PALD1: variants seen among roughly 807,000 people sequenced by gnomAD.
The protein encoded by PALD1 is paladin.
A neutral mutation model predicts 96.0 loss-of-function variants in PALD1; 57 were observed. That is an observed-to-expected ratio of 0.59 (90% CI 0.48 to 0.74). The LOEUF (loss-of-function observed/expected upper bound fraction) is 0.74. Among genes scored for constraint, PALD1 ranks in the 30% least tolerant of loss-of-function variants. PALD1 has a pLI of 0.00. For missense variants in PALD1, 1,063 were observed against 1,143.7 expected (o/e 0.93, Z 1.02); for synonymous variants, 464 against 473.6 (o/e 0.98, Z 0.26).
At chr10:70,526,193 C>T (rs1215003816) in intron 2 of PALD1, 57 bp downstream of exon 2, 2 of 1,477,404 alleles carry the variant, frequency 1.4e-6, no homozygotes, top group Admixed American at 1.7e-5. Flanking sequence ...GCGGGGGGAC[C>T]TGCTTGGGGG....
chr10:70,505,189 T>G (rs1327680267), intron 1 of PALD1, among the ~76,000 whole-genome samples: 4 of 152,258 alleles, frequency 2.6e-5, no homozygotes, highest in African/African-American at 9.6e-5. Flanking sequence ...ACACACGCTT[T>G]CCAAAATTCT....
intron 10 of PALD1, among the ~76,000 whole-genome samples, chr10:70,537,394 G>A (rs945495655): frequency 2.6e-5 from 4 of 152,208 alleles, no homozygotes; most frequent in African/African-American, 4.8e-5. Context: ...GTGAGCCACC[G>A]CACCCAGCCA....
At chr10:70,551,769 G>C (rs1306917477) in intron 18 of PALD1, among the ~76,000 whole-genome samples, 2 of 152,138 alleles carry the variant, frequency 1.3e-5, no homozygotes, top group African/African-American at 2.4e-5. Flanking sequence ...AGAATTTGGA[G>C]GTCAGTTTCC....
At chr10:70,501,880 A>T (rs907429561) in intron 1 of PALD1, among the ~76,000 whole-genome samples, 7 of 142,694 alleles carry the variant, frequency 4.9e-5, no homozygotes, top group African/African-American at 1.8e-4. Context: ...TGTATACAAG[A>T]GGCCTCCCCC....
the PALD1 span, among the ~76,000 whole-genome samples, chr10:70,460,912 G>T: frequency 1.3e-5 from 2 of 152,254 alleles, no homozygotes; most frequent in South Asian, 4.1e-4. Flanking sequence ...AAAATTAGCC[G>T]GGCGTGGTGG....
chr10:70,551,315 G>C (rs887551754), intron 18 of PALD1, among the ~76,000 whole-genome samples: 6 of 152,204 alleles, frequency 3.9e-5, no homozygotes, highest in Non-Finnish European at 8.8e-5. Context: ...GAAGTCCCAG[G>C]TGGCCTCCAG....
chr10:70,521,235 G>A (rs944445538), intron 1 of PALD1, among the ~76,000 whole-genome samples: 1 of 152,130 alleles, frequency 6.6e-6, no homozygotes, highest in Non-Finnish European at 1.5e-5. Context: ...AGATCCAAGA[G>A]GGAAGGGGAC....
intron 1 of PALD1, among the ~76,000 whole-genome samples, chr10:70,492,252 G>A (rs1276786629): frequency 2.0e-5 from 3 of 152,058 alleles, no homozygotes; most frequent in Non-Finnish European, 4.4e-5. Context: ...GACGGTCCCT[G>A]ACTTATGGTG....
rs144349190 is a variant in PALD1 at position 70,513,346 on chromosome 10, A to G, written c.-29-12577A>G. On this transcript the variant is annotated intron_variant, in intron 1 of 19. Coordinates refer to ENST00000263563, the MANE Select transcript of PALD1 (RefSeq NM_014431.3). ...CCCATCTCTGCAAAAAAAATAAATA[A>G]ATAAATAATTAAAAAATTAGCCAGG... Among the ~76,000 whole-genome samples, 547 of 152,100 alleles carry G rather than the reference A, an allele frequency of 3.6e-3. 6 individuals carry two copies. The highest frequency in any genetic ancestry group is 0.013 in the African/African-American group (526 of 41,490).
At chr10:70,530,117 GA>G in intron 4 of PALD1, 49 bp downstream of exon 4, 1 of 1,445,308 alleles carries the variant, frequency 6.9e-7, no homozygotes, top group Non-Finnish European at 9.2e-7. Context: ...AAGCCAGGGA[GA>G]GGGGCACCTT....
chr10:70,507,899 T>C (rs1249011531), intron 1 of PALD1, among the ~76,000 whole-genome samples: 1 of 152,168 alleles, frequency 6.6e-6, no homozygotes, highest in African/African-American at 2.4e-5. Context: ...GGCTCCTTTG[T>C]GCCAAGCACA....
chr10:70,534,318 A>C, intron 8 of PALD1, 107 bp from the exon 9 acceptor site: 1 of 807,322 alleles, frequency 1.2e-6, no homozygotes, highest in Non-Finnish European at 2.0e-6. Context: ...TTCAGAAGGA[A>C]CCTGTAGTCT....
In PALD1 at chr10:70,499,783, G is replaced by A. The variant is rs1025132826; in HGVS notation, c.-30+20724G>A. 6.5e-4 allele frequency among the ~76,000 whole-genome samples: 99 copies of A among 152,290 alleles called. 1 individual carries two copies. Among genetic ancestry groups the A allele is most frequent in the South Asian group, 6.2e-4 (3 of 4,834 alleles). ...TGTTTTGCCTGATGGGCTGGTGTGA[G>A]CCTAGGCATTCAGGGCCAGACGGCC... On this transcript the variant is annotated intron_variant, in intron 1 of 19. Coordinates refer to ENST00000263563, the MANE Select transcript of PALD1 (RefSeq NM_014431.3).
chr10:70,479,466 G>T (rs7082790), intron 1 of PALD1, among the ~76,000 whole-genome samples: 10,237 of 152,236 alleles, frequency 0.067, 395 homozygotes, highest in South Asian at 0.18. Context: ...GGGGCGTGAG[G>T]CCCTCAGACC....
At chr10:70,460,140 T>C in the PALD1 span, among the ~76,000 whole-genome samples, 6 of 152,310 alleles carry the variant, frequency 3.9e-5, no homozygotes, top group African/African-American at 1.4e-4. Context: ...TTCCGCCGTC[T>C]GGGCCCCTGC....
chr10:70,541,865 A>G (rs1448722007), intron 17 of PALD1, among the ~76,000 whole-genome samples: 2 of 151,968 alleles, frequency 1.3e-5, no homozygotes, highest in African/African-American at 4.8e-5. Context: ...AGCACCTTCA[A>G]CCCAGCTGTG....
chr10:70,482,057 T>C (rs1397962786), intron 1 of PALD1, among the ~76,000 whole-genome samples: 1 of 152,014 alleles, frequency 6.6e-6, no homozygotes, highest in Non-Finnish European at 1.5e-5. Flanking sequence ...TGGGGGCCTT[T>C]GATTATGAGC....
chr10:70,501,711 A>ATGTC (rs1554854844), intron 1 of PALD1, among the ~76,000 whole-genome samples: 8 of 151,668 alleles, frequency 5.3e-5, no homozygotes, highest in African/African-American at 1.9e-4. Flanking sequence ...GAAAATAAAG[A>ATGTC]TATCCAGGAA....
chr10:70,526,121 C>A lies in PALD1; in HGVS notation c.170C>A (p.Ala57Asp), dbSNP rs766698762. 6.2e-7 allele frequency: 1 copy of A among 1,614,008 alleles called. No homozygotes were observed. The highest frequency in any genetic ancestry group is 2.2e-5 in the East Asian group (1 of 44,884). The stretch of plus-strand genomic sequence containing the variant: ...AAGTCCATCATCCCCAACAAGGTGG[C>A]CCCTGTTGTGATCACGTGAGTGGCA... ...KAKSIIPNKVAPVVITYNCKE... is the reference protein window; with the variant it reads ...KAKSIIPNKVDPVVITYNCKE... Residue 57 changes from alanine to aspartate, a missense_variant, in exon 2 of 20, where the codon GCC becomes GAC. Physicochemically the swap from Ala to Asp is moderately radical, Grantham distance 126. Coordinates refer to ENST00000263563, the MANE Select transcript of PALD1 (RefSeq NM_014431.3).
Sources: gnomAD v4.1 joint callset for allele counts (sites outside exome capture counted in the v4.1 genomes callset) on GRCh38, gnomAD v4.1.1 for gene constraint, MANE v1.5 for transcripts, NCBI Gene and HGNC (gene_info 2026-07-23, HGNC 2026-07-21) for gene names.